Variants in SLC41A3 observed in about 807,000 individuals in gnomAD.
SLC41A3 encodes solute carrier family 41 member 3, also known as SLC41A1-like 2.
Under a neutral mutation model 45.4 loss-of-function variants are expected in SLC41A3, and 44 were observed. That is an observed-to-expected ratio of 0.97 (90% CI 0.76 to 1.25). The LOEUF is 1.25. Ranked by LOEUF, SLC41A3 falls within the 50% of genes most tolerant of loss-of-function variation. The pLI is 0.00. For synonymous variants in SLC41A3, 256 were observed against 252.4 expected (o/e 1.01, Z -0.13); for missense variants, 550 against 600.6 (o/e 0.92, Z 0.88).
intron 1 of SLC41A3, among the ~76,000 whole-genome samples, chr3:126,072,664 C>G (rs1559884116): frequency 1.3e-5 from 2 of 152,204 alleles, no homozygotes; most frequent in Non-Finnish European, 2.9e-5. Context: ...TTATACACTG[C>G]TTGTGGGAAT....
upstream of SLC41A3, chr3:126,084,508 T>C (rs1297324606): frequency 6.6e-6 from 1 of 152,216 alleles, no homozygotes; most frequent in Non-Finnish European, 1.5e-5. Flanking sequence ...CGCCTTTTGC[T>C]TTAAAAACAA....
chr3:126,060,146 C>T (rs1943978292), intron 2 of SLC41A3, among the ~76,000 whole-genome samples: 1 of 152,158 alleles, frequency 6.6e-6, no homozygotes, highest in South Asian at 2.1e-4. Context: ...AGACCGGGTG[C>T]GGTGGCTAAT....
intron 8 of SLC41A3, among the ~76,000 whole-genome samples, chr3:126,014,704 C>T (rs569139867): frequency 1.3e-5 from 2 of 152,350 alleles, no homozygotes; most frequent in Non-Finnish European, 2.9e-5. Flanking sequence ...CACGCAGGGG[C>T]TGCCTAGGAG....
At position 126,037,465 on chromosome 3, in the gene SLC41A3, A is replaced by T. The variant is rs892772809; in HGVS notation, c.382-3787T>A. 2.6e-5 allele frequency among the ~76,000 whole-genome samples: 4 copies of T among 152,170 alleles called. No homozygotes were observed. The East Asian group carries it at 7.7e-4, about 29-fold the overall frequency. ...AGGTGGAAATGACAAAGTTATTGGG[A>T]ACTAGAGAAAAGGTCACCCTTGTTA... On this transcript the variant is annotated intron_variant, in intron 3 of 10. Coordinates refer to ENST00000360370, the MANE Select transcript of SLC41A3 (RefSeq NM_017836.4).
intron 2 of SLC41A3, among the ~76,000 whole-genome samples, chr3:126,059,664 G>A (rs72981555): frequency 0.098 from 14,848 of 152,184 alleles, 1,296 homozygotes; most frequent in African/African-American, 0.23. Flanking sequence ...CCCCATCACT[G>A]CCCGTCATCC....
intron 2 of SLC41A3, among the ~76,000 whole-genome samples, chr3:126,054,822 A>C (rs943488468): frequency 1.3e-5 from 2 of 152,046 alleles, no homozygotes; most frequent in Non-Finnish European, 2.9e-5. Context: ...CAGCATCAGC[A>C]GGGTGGTCTC....
At chr3:126,033,259 G>A (rs1941934918) in intron 4 of SLC41A3, among the ~76,000 whole-genome samples, 1 of 145,528 alleles carries the variant, frequency 6.9e-6, no homozygotes, top group South Asian at 2.2e-4. Context: ...TCAGTTAGGG[G>A]AACACCTGTG....
chr3:126,100,538 A>G (rs1352079730), intron 1 of SLC41A3, among the ~76,000 whole-genome samples: 1 of 152,214 alleles, frequency 6.6e-6, no homozygotes, highest in African/African-American at 2.4e-5. Context: ...ATTCAGTCAC[A>G]CTGGGGAAGG....
chr3:126,013,192 C>A (rs1308720306), intron 8 of SLC41A3, among the ~76,000 whole-genome samples: 1 of 151,706 alleles, frequency 6.6e-6, no homozygotes, highest in Non-Finnish European at 1.5e-5. Flanking sequence ...CCTGGAATAT[C>A]TGAGAAAATG....
intron 9 of SLC41A3, 147 bp from the exon 10 acceptor site, chr3:126,009,027 C>T (rs1939427819): frequency 4.3e-6 from 4 of 923,206 alleles, no homozygotes; most frequent in Middle Eastern, 3.4e-4. Context: ...CATATTCTGG[C>T]AGATGGGGAT....
At chr3:126,048,905 T>C (rs1429305811) in intron 3 of SLC41A3, among the ~76,000 whole-genome samples, 1 of 149,802 alleles carries the variant, frequency 6.7e-6, no homozygotes, top group Admixed American at 6.7e-5. Context: ...TATCAATTTA[T>C]ACCTTAAGAC....
chr3:126,062,397 C>T (rs571589605), intron 2 of SLC41A3, among the ~76,000 whole-genome samples: 1 of 152,220 alleles, frequency 6.6e-6, no homozygotes, highest in Non-Finnish European at 1.5e-5. Context: ...ACACTAGATA[C>T]CTTTTCCAGG....
chr3:126,066,974 G>A (rs4077036), intron 2 of SLC41A3, among the ~76,000 whole-genome samples: 35,108 of 151,994 alleles, frequency 0.23, 4,475 homozygotes, highest in Non-Finnish European at 0.28. Flanking sequence ...GGCGTATGGG[G>A]CGATGCTGCA....
At chr3:126,089,803 A>G (rs1262925991) in intron 1 of SLC41A3, among the ~76,000 whole-genome samples, 2 of 152,200 alleles carry the variant, frequency 1.3e-5, no homozygotes, top group Admixed American at 6.5e-5. Flanking sequence ...ATAATAAAAT[A>G]AAAATGGTTT....
chr3:126,068,321 A>T, intron 1 of SLC41A3, 75 bp from the exon 2 acceptor site: 1 of 1,361,306 alleles, frequency 7.3e-7, no homozygotes, highest in Non-Finnish European at 9.6e-7. Flanking sequence ...AGCCTCAGGC[A>T]CCTGTCCAGC....
intron 1 of SLC41A3, among the ~76,000 whole-genome samples, chr3:126,097,700 A>G (rs1945630973): frequency 6.6e-6 from 1 of 152,176 alleles, no homozygotes. Flanking sequence ...CCTAACTCTA[A>G]TGCATGAAAA....
At chr3:126,061,444 G>C (rs963562544) in intron 2 of SLC41A3, among the ~76,000 whole-genome samples, 2 of 152,020 alleles carry the variant, frequency 1.3e-5, no homozygotes, top group African/African-American at 4.8e-5. Flanking sequence ...CCTCCGCAGG[G>C]CCGCTCCCAC....
chr3:126,099,747 A>G, intron 1 of SLC41A3, among the ~76,000 whole-genome samples: 1 of 152,186 alleles, frequency 6.6e-6, no homozygotes, highest in Non-Finnish European at 1.5e-5. Flanking sequence ...GTTGGGAATC[A>G]TTGTTTTAAC....
intron 2 of SLC41A3, chr3:126,056,479 G>A (rs1437457774): frequency 6.2e-7 from 1 of 1,614,198 alleles, no homozygotes; most frequent in East Asian, 2.2e-5. Context: ...TGGGGACCGG[G>A]TAAGCTCACA....
Sources: allele counts gnomAD v4.1 joint callset (sites outside exome capture counted in the v4.1 genomes callset), GRCh38; gene constraint gnomAD v4.1.1; transcripts MANE v1.5; gene names NCBI Gene and HGNC (gene_info 2026-07-23, HGNC 2026-07-21).